RELN: variants seen among roughly 807,000 people sequenced by gnomAD.
RELN encodes the protein reelin.
In RELN, 108 loss-of-function variants were observed where a neutral mutation model predicts 427.6. The ratio of observed to expected loss-of-function variants is 0.25; its 90% CI spans 0.22 to 0.30. RELN has a LOEUF of 0.30. Among genes scored for constraint, RELN ranks in the 10% least tolerant of loss-of-function variants. The pLI, the probability that RELN is intolerant of heterozygous loss-of-function variation, is 1.00. For missense variants in RELN, 3,715 were observed against 4,302.8 expected (o/e 0.86, Z 3.82); for synonymous variants, 1,524 against 1,513.4 (o/e 1.01, Z -0.16).
rs775144962 is a variant in RELN at position 103,489,777 on chromosome 7, G to T, written c.9728C>A (p.Thr3243Asn). 2 of 1,614,044 alleles carry T rather than the reference G, an allele frequency of 1.2e-6. No homozygotes were observed. The highest frequency in any genetic ancestry group is 8.5e-7 in the Non-Finnish European group (1 of 1,180,032). ...CTCGTCGCAGATGCAGATGGCACCG[G>T]TCGTGCAGTATCCGTGCCCGCTGCA... is the stretch of plus-strand genomic sequence containing the variant. ...KLCSGHGYCT[T>N]GAICICDESF... is the part of the protein sequence containing the mutation. The change falls in exon 60 of 65, where the codon ACC (threonine) becomes AAC (asparagine). Residue 3243 changes from threonine to asparagine, a missense_variant. Transcript: ENST00000428762.
Position 103,623,104 on chromosome 7 carries a change from C to T in RELN, c.2702+6836G>A, listed in dbSNP as rs11971486. On this transcript the variant is annotated intron_variant, in intron 20 of 64. Transcript: ENST00000428762. ...ATTTTATAGAGGCACTGAAAGTCTT[C>T]AATACTGAGAATACTCTTCACAGCT... Among the ~76,000 whole-genome samples, 1,463 of 152,284 alleles carry T rather than the reference C, an allele frequency of 9.6e-3. 18 individuals carry two copies. Among genetic ancestry groups the T allele is most frequent in the African/African-American group, 0.033 (1,383 of 41,556 alleles).
chr7:103,846,435 A>G (rs1172698966), intron 2 of RELN, among the ~76,000 whole-genome samples: 1 of 152,236 alleles, frequency 6.6e-6, no homozygotes, highest in Admixed American at 6.5e-5. Flanking sequence ...CTCAAGATGG[A>G]TTAAAAACTT....
At chr7:103,588,089 G>A (rs546248191) in intron 28 of RELN, among the ~76,000 whole-genome samples, 6 of 152,206 alleles carry the variant, frequency 3.9e-5, no homozygotes, top group South Asian at 4.1e-4. Flanking sequence ...CTGCACTTTC[G>A]TGTTTATTGC....
rs541415284 is a variant in RELN at position 103,758,778 on chromosome 7, T to C, written c.545-5564A>G. On this transcript the variant is annotated intron_variant, in intron 4 of 64. Transcript: ENST00000428762. ...ACTTATGATTTCTTTTCCAGATTCT[T>C]TTTCATGTTTGTGATAGTGCCACTT... 2.0e-5 allele frequency among the ~76,000 whole-genome samples: 3 copies of C among 151,106 alleles called. No homozygotes were observed. In the East Asian group the frequency reaches 5.8e-4, roughly 29 times the overall value.
chr7:103,607,161 G>T (rs1158304071), intron 22 of RELN, among the ~76,000 whole-genome samples: 1 of 151,598 alleles, frequency 6.6e-6, no homozygotes, highest in East Asian at 1.9e-4. Context: ...GAGTTAATGG[G>T]TGCAGCACAC....
chr7:103,846,635 C>A (rs1793684311), intron 2 of RELN, among the ~76,000 whole-genome samples: 2 of 152,128 alleles, frequency 1.3e-5, no homozygotes, highest in African/African-American at 2.4e-5. Flanking sequence ...TCAGAGTGAA[C>A]AGACAACCTA....
At chr7:103,503,958 C>T (rs1278830249) in intron 51 of RELN, among the ~76,000 whole-genome samples, 1 of 149,278 alleles carries the variant, frequency 6.7e-6, no homozygotes. Context: ...GTAATCCCAG[C>T]ACTTTGGGAG....
At chr7:103,683,700 T>C (rs1044324010) in intron 10 of RELN, among the ~76,000 whole-genome samples, 3 of 152,212 alleles carry the variant, frequency 2.0e-5, no homozygotes, top group African/African-American at 7.2e-5. Flanking sequence ...AAAATCATAA[T>C]AAGCGACTTT....
chr7:103,755,666 A>T (rs996448030), intron 4 of RELN, among the ~76,000 whole-genome samples: 1 of 150,002 alleles, frequency 6.7e-6, no homozygotes, highest in Non-Finnish European at 1.5e-5. Flanking sequence ...ACATAAAAAA[A>T]TTAGCCAGGT....
intron 20 of RELN, among the ~76,000 whole-genome samples, chr7:103,618,507 T>A (rs1832136327): frequency 6.6e-6 from 1 of 152,224 alleles, no homozygotes; most frequent in African/African-American, 2.4e-5. Context: ...ATAGACAACT[T>A]CTTATTTATC....
At position 103,603,328 on chromosome 7, in the gene RELN, A is replaced by G. The variant is rs1831723080; in HGVS notation, c.3309T>C (p.Ser1103=). The G allele has an allele frequency of 6.2e-7, 1 of 1,613,776 alleles. No homozygotes were observed. Among genetic ancestry groups the G allele is most frequent in the Admixed American group, 1.7e-5 (1 of 59,988 alleles). ...KPEQGCGVIS[S]GSSLYFSKAG... ...CCTTGCTGAAGTACAGAGATGATCC[A>G]GAAGAGATGACACCACACCCTTGTT... Residue 1103 remains serine (S), a synonymous_variant, in exon 24 of 65, where the codon TCT becomes TCC. Transcript: ENST00000428762. The surrounding 1 kb of genome is among the most constrained non-coding windows in gnomAD (Gnocchi z 4.3).
intron 7 of RELN, among the ~76,000 whole-genome samples, chr7:103,726,221 A>T (rs1790207658): frequency 6.6e-6 from 1 of 152,166 alleles, no homozygotes; most frequent in Admixed American, 6.5e-5. Flanking sequence ...ACTTGGGTAC[A>T]ATGTATATTT....
chr7:103,906,710 T>C (rs916431982), intron 2 of RELN, among the ~76,000 whole-genome samples: 5 of 152,196 alleles, frequency 3.3e-5, no homozygotes, highest in African/African-American at 1.2e-4. Flanking sequence ...ATAGCTTGGC[T>C]TTTGTACCTT....
intron 6 of RELN, among the ~76,000 whole-genome samples, chr7:103,741,347 A>G (rs588435): frequency 0.22 from 33,205 of 151,890 alleles, 4,798 homozygotes; most frequent in African/African-American, 0.41. Context: ...CTGTAATGCT[A>G]TTTTCATCAA....
chr7:103,847,074 T>C (rs1473513003), intron 2 of RELN, among the ~76,000 whole-genome samples: 1 of 152,206 alleles, frequency 6.6e-6, no homozygotes, highest in African/African-American at 2.4e-5. Context: ...ACTGGGTATA[T>C]ACCCAAAGGG....
At chr7:103,514,373 G>A (rs1158975485) in intron 50 of RELN, among the ~76,000 whole-genome samples, 1 of 152,046 alleles carries the variant, frequency 6.6e-6, no homozygotes, top group Non-Finnish European at 1.5e-5. Flanking sequence ...AATGAGAGGA[G>A]GATAGGCCGG....
At chr7:103,504,128 C>A (rs915235577) in intron 51 of RELN, among the ~76,000 whole-genome samples, 1 of 152,030 alleles carries the variant, frequency 6.6e-6, no homozygotes, top group Non-Finnish European at 1.5e-5. Flanking sequence ...CGTCTGAACC[C>A]GGGAGGCAGA....
chr7:103,945,605 G>C (rs1191564438), intron 1 of RELN, among the ~76,000 whole-genome samples: 1 of 151,976 alleles, frequency 6.6e-6, no homozygotes, highest in African/African-American at 2.4e-5. Context: ...CCCGTAACCA[G>C]GTTACAAACT....
chr7:103,633,280 G>A (rs1562932116), intron 19 of RELN, among the ~76,000 whole-genome samples: 1 of 151,884 alleles, frequency 6.6e-6, no homozygotes, highest in African/African-American at 2.4e-5. Flanking sequence ...TACACTGAAG[G>A]AAATATAGCA....
Sources: gnomAD v4.1 joint callset for allele counts (sites outside exome capture counted in the v4.1 genomes callset) on GRCh38, gnomAD v4.1.1 for gene constraint, Gnocchi (gnomAD v3.1) non-coding constraint, MANE v1.5 for transcripts, NCBI Gene and HGNC (gene_info 2026-07-23, HGNC 2026-07-21) for gene names.